The following RAD50 variants were observed in gnomAD, a reference collection of about 807,000 sequenced individuals.
RAD50 encodes the protein DNA repair protein RAD50.
RAD50 carries 132 observed loss-of-function variants against 168.8 expected under a neutral mutation model. That is an observed-to-expected ratio of 0.78 (90% CI 0.68 to 0.90). RAD50 has a LOEUF of 0.90. RAD50 is among the 40% of genes least tolerant of loss of function. The pLI is 0.00. For missense variants in RAD50, 1,347 were observed against 1,534.4 expected, an observed-to-expected ratio of 0.88 and a Z score of 2.04; for synonymous variants, 525 against 497.4, an observed-to-expected ratio of 1.06 and a Z score of -0.74.
rs537907573 is a variant in RAD50 at position 132,586,097 on chromosome 5, C to T, written c.757-1465C>T. On this transcript the variant is annotated intron_variant, in intron 5 of 24. Transcript: ENST00000378823. ...CACAAAAATATTCTTCAGTGTTTTC[C>T]TCTAAAAGTTTTATAGTTTGAGTTC... Among the ~76,000 whole-genome samples the T allele has an allele frequency of 2.9e-4, 44 of 152,172 alleles. 1 individual carries two copies. Among genetic ancestry groups the T allele is most frequent in the African/African-American group, 1.1e-3 (44 of 41,532 alleles).
rs587781426 is a variant in RAD50 at position 132,642,307 on chromosome 5, T to G, written c.3882T>G (p.Asp1294Glu). The G allele has an allele frequency of 4.3e-6, 7 of 1,613,982 alleles. No individual in the cohort carries two copies. In the South Asian group the frequency reaches 5.5e-5, roughly 13 times the overall value. Residue 1294 changes from aspartate to glutamate, a missense_variant, in exon 25 of 25, where the codon GAT becomes GAG. Around this residue, in one of 3 missense-constraint regions of RAD50, gnomAD observed 635 missense variants for 739.2 expected, o/e 0.86. Transcript: ENST00000378823. ...TCTACAGGATTAAAAAGAACATCGA[T>G]CAGTGCTCAGAGATTGTGAAATGCA... ...EKFYRIKKNI[D>E]QCSEIVKCSV...
intron 11 of RAD50, chr5:132,592,940 G>C (rs1319195554): frequency 2.1e-6 from 1 of 468,842 alleles, no homozygotes; most frequent in East Asian, 7.0e-5. Context: ...TTTTCAGTCA[G>C]AATTGTGTAA....
At chr5:132,577,175 C>A (rs960540351) in intron 3 of RAD50, among the ~76,000 whole-genome samples, 26 of 152,090 alleles carry the variant, frequency 1.7e-4, no homozygotes, top group African/African-American at 6.3e-4. Flanking sequence ...TTTTAGAGGC[C>A]ACCCATATTT....
intron 2 of RAD50, among the ~76,000 whole-genome samples, chr5:132,563,494 G>A (rs989207020): frequency 6.6e-6 from 1 of 152,196 alleles, no homozygotes; most frequent in Non-Finnish European, 1.5e-5. Context: ...ATTGAGCCTA[G>A]AAAACATAGA....
chr5:132,646,273 T>G lies in RAD50; in HGVS notation c.*3909T>G, dbSNP rs970806613. 8 of 152,306 alleles carry G rather than the reference T, an allele frequency of 5.3e-5. No homozygotes were observed. The highest frequency in any genetic ancestry group is 1.2e-4 in the Non-Finnish European group (8 of 68,036). The allele number at this position is 152,306 out of a possible 1,614,324, so 9.4% of individuals were successfully genotyped here. On this transcript the variant is annotated 3_prime_UTR_variant, in exon 25 of 25. Coordinates refer to ENST00000378823, the MANE Select transcript of RAD50 (RefSeq NM_005732.4). ...TCTCCTAAATGCTTGACTGATATAT[T>G]CAGCTGCCTGTGGATAACTGGGCAT...
At chr5:132,596,541 G>T (rs1296923257) in intron 13 of RAD50, among the ~76,000 whole-genome samples, 1 of 152,128 alleles carries the variant, frequency 6.6e-6, no homozygotes, top group Admixed American at 6.5e-5. Context: ...ATGATTTTCG[G>T]TTGTTTATAT....
At chr5:132,590,949 A>G (rs1342287700) in intron 9 of RAD50, among the ~76,000 whole-genome samples, 1 of 152,210 alleles carries the variant, frequency 6.6e-6, no homozygotes, top group Non-Finnish European at 1.5e-5. Flanking sequence ...ACTTAGACAC[A>G]TGTCTCCTAA....
chr5:132,609,760 C>T (rs968578769), intron 19 of RAD50, among the ~76,000 whole-genome samples: 3 of 151,862 alleles, frequency 2.0e-5, no homozygotes, highest in African/African-American at 4.8e-5. Context: ...CTAGCCTGGG[C>T]GACACAGCGA....
chr5:132,590,267 C>A (rs1295967530), intron 9 of RAD50, among the ~76,000 whole-genome samples: 1 of 152,128 alleles, frequency 6.6e-6, no homozygotes, highest in Non-Finnish European at 1.5e-5. Flanking sequence ...GTCAGGAGTT[C>A]AAGACCTGTC....
At position 132,588,015 on chromosome 5, in the gene RAD50, A is replaced by G. The variant is rs1379211444; in HGVS notation, c.977A>G (p.His326Arg). The G allele has an allele frequency of 5.6e-6, 9 of 1,611,958 alleles. No individual in the cohort carries two copies. Among genetic ancestry groups the G allele is most frequent in the African/African-American group, 1.3e-5 (1 of 74,874 alleles). ...AAAGAAAGGAAATTGGTAGACTGTC[A>G]TCGTGAACTGGAAAAACTAAATAAA... The part of the protein sequence containing the change: ...REKERKLVDC[H>R]RELEKLNKES... The change falls in exon 7 of 25, where the codon CAT (histidine) becomes CGT (arginine). Residue 326 changes from histidine (H) to arginine (R), a missense_variant. Transcript: ENST00000378823.
chr5:132,638,295 T>G, intron 23 of RAD50, 72 bp downstream of exon 23: 1 of 1,565,012 alleles, frequency 6.4e-7, no homozygotes, highest in Non-Finnish European at 8.8e-7. Flanking sequence ...ATCAGTGCAG[T>G]GGAAGCACCC....
chr5:132,598,437 TA>T, intron 13 of RAD50, among the ~76,000 whole-genome samples: 1 of 152,336 alleles, frequency 6.6e-6, no homozygotes, highest in South Asian at 2.1e-4. Context: ...AACTATTTGC[TA>T]AATGAATGAG....
chr5:132,626,709 T>G (rs1751377881), intron 21 of RAD50, among the ~76,000 whole-genome samples: 1 of 152,112 alleles, frequency 6.6e-6, no homozygotes, highest in South Asian at 2.1e-4. Flanking sequence ...GAATACTACA[T>G]GATAGCATAA....
In RAD50 at chr5:132,629,928, A is replaced by C. The variant is rs142125068; in HGVS notation, c.3390-7187A>C. Reference sequence around the variant, plus strand: ...ATGTATTACCCCATACTAATACAATATACCAATTTAAATGATGTTAGAATA... The same window carrying C: ...ATGTATTACCCCATACTAATACAATCTACCAATTTAAATGATGTTAGAATA... On this transcript the variant is annotated intron_variant, in intron 21 of 24. Transcript: ENST00000378823. Among the ~76,000 whole-genome samples the C allele has an allele frequency of 2.5e-3, 376 of 152,362 alleles. 2 individuals are homozygous for C. Among genetic ancestry groups the C allele is most frequent in the African/African-American group, 8.3e-3 (343 of 41,572 alleles).
chr5:132,591,393 T>G lies in RAD50; in HGVS notation c.1622T>G (p.Leu541Arg). The G allele has an allele frequency of 6.2e-7, 1 of 1,613,628 alleles. No individual in the cohort carries two copies. Among genetic ancestry groups the G allele is most frequent in the Non-Finnish European group, 8.5e-7 (1 of 1,179,688 alleles). Residue 541 changes from leucine (L) to arginine (R), a missense_variant, in exon 10 of 25, where the codon CTG becomes CGG. Leu to Arg is a moderately radical substitution (Grantham distance 102). This residue lies in a region of RAD50 where 703 missense variants were observed against 767.7 expected (regional missense o/e 0.92). Coordinates refer to ENST00000378823, the MANE Select transcript of RAD50 (RefSeq NM_005732.4). ...ACAACACGTACCCAAATGGAGATGC[T>G]GACCAAAGACAAAGTATGATTTTTC... ...HTTTRTQMEM[L>R]TKDKADKDEQ...
Position 132,594,344 on chromosome 5 carries a change from G to A in RAD50, c.1794-525G>A, listed in dbSNP as rs574918707. Among the ~76,000 whole-genome samples, 17 of 152,278 alleles carry A rather than the reference G, an allele frequency of 1.1e-4. No individual in the cohort carries two copies. In the South Asian group the frequency reaches 3.5e-3, roughly 32 times the overall value. On this transcript the variant is annotated intron_variant, in intron 11 of 24. Transcript: ENST00000378823. ...ATGTGTGAGTATTGAGGTTGGCTAG[G>A]ATGATGTTTAAGAATTAAAGTGGGG...
intron 13 of RAD50, among the ~76,000 whole-genome samples, chr5:132,602,955 T>C (rs1330708275): frequency 6.6e-6 from 1 of 152,204 alleles, no homozygotes; most frequent in African/African-American, 2.4e-5. Context: ...TAATAATTAT[T>C]GCAAGCAAGA....
Position 132,579,501 on chromosome 5 carries a change from A to G in RAD50, c.550A>G (p.Arg184Gly). The change falls in exon 4 of 25, where the codon AGA becomes GGA. Residue 184 changes from arginine to glycine, a missense_variant and splice_region_variant. Physicochemically the swap from Arg to Gly is moderately radical, Grantham distance 125. This residue lies in a region of RAD50 where 703 missense variants were observed against 767.7 expected (regional missense o/e 0.92). Transcript: ENST00000378823. ...GTTTGATGAGATTTTTTCAGCAACA[A>G]GGTTTGTAACCCTTAAATAGACTTT... The part of the protein sequence containing the change: ...QKFDEIFSAT[R>G]YIKALETLRQ... 1 of 1,611,132 alleles carries G rather than the reference A, an allele frequency of 6.2e-7. No homozygotes were observed. The highest frequency in any genetic ancestry group is 8.5e-7 in the Non-Finnish European group (1 of 1,177,832).
At chr5:132,640,047 G>C (rs1487846546) in intron 23 of RAD50, among the ~76,000 whole-genome samples, 1 of 152,086 alleles carries the variant, frequency 6.6e-6, no homozygotes, top group African/African-American at 2.4e-5. Flanking sequence ...GTGGGTCTGA[G>C]GGTTTTAGTA....
Sources: gnomAD v4.1 joint callset for allele counts (sites outside exome capture counted in the v4.1 genomes callset) on GRCh38, gnomAD v4.1.1 for gene constraint, gnomAD v4.1.1 regional missense constraint, MANE v1.5 for transcripts, NCBI Gene and HGNC (gene_info 2026-07-23, HGNC 2026-07-21) for gene names.